Variants in MTHFD1L observed in about 807,000 individuals in gnomAD.
MTHFD1L encodes methylenetetrahydrofolate dehydrogenase (NADP+ dependent) 1 like.
Under a neutral mutation model 119.5 loss-of-function variants are expected in MTHFD1L, and 81 were observed. That is an observed-to-expected ratio of 0.68 (90% CI 0.57 to 0.82). MTHFD1L has a LOEUF of 0.82. MTHFD1L is among the 40% of genes least tolerant of loss of function. The pLI, the probability that MTHFD1L is intolerant of heterozygous loss-of-function variation, is 0.00. For missense variants in MTHFD1L, 1,125 were observed against 1,253.4 expected (o/e 0.90, Z 1.55); for synonymous variants, 430 against 475.2 (o/e 0.90, Z 1.24).
intron 14 of MTHFD1L, 137 bp downstream of exon 14, chr6:150,944,730 G>A (rs1405426926): frequency 1.5e-6 from 1 of 666,244 alleles, no homozygotes; most frequent in Non-Finnish European, 2.6e-6. Context: ...TTTTACATAT[G>A]TCCCTGTTTC....
chr6:151,074,543 G>A (rs1792308936), intron 26 of MTHFD1L, among the ~76,000 whole-genome samples: 1 of 152,162 alleles, frequency 6.6e-6, no homozygotes, highest in South Asian at 2.1e-4. Flanking sequence ...TATGTGGTGT[G>A]GTAGTATAAT....
rs1446647530 is a variant in MTHFD1L, at chr6:150,885,678, A to G, written c.587A>G (p.His196Arg). ...NLGKLVRGDA[H>R]ECFVSPVAKA... Reference sequence around the variant, plus strand: ...GGGAAGCTGGTGCGAGGGGATGCCCATGAATGTTTTGTTTCACCTGTTGCC... The same window carrying G: ...GGGAAGCTGGTGCGAGGGGATGCCCGTGAATGTTTTGTTTCACCTGTTGCC... The change falls in exon 6 of 28, where the codon CAT (histidine) becomes CGT (arginine). Residue 196 changes from histidine to arginine, a missense_variant. Around this residue, in one of 3 missense-constraint regions of MTHFD1L, gnomAD observed 1,058 missense variants for 1,151.2 expected, o/e 0.92. Coordinates refer to ENST00000367321, the MANE Select transcript of MTHFD1L (RefSeq NM_015440.5). The G allele has an allele frequency of 5.0e-6, 8 of 1,614,132 alleles. No individual in the cohort carries two copies. The highest frequency in any genetic ancestry group is 6.8e-6 in the Non-Finnish European group (8 of 1,179,982).
chr6:150,960,095 A>C (rs1418470503), intron 17 of MTHFD1L, among the ~76,000 whole-genome samples, 180 bp from the exon 18 acceptor site: 1 of 152,240 alleles, frequency 6.6e-6, no homozygotes, highest in Non-Finnish European at 1.5e-5. Flanking sequence ...CCTAGGGAGC[A>C]CCAGGCACAA....
At chr6:150,885,199 G>GTT (rs34025381) in intron 5 of MTHFD1L, among the ~76,000 whole-genome samples, 49 of 135,084 alleles carry the variant, frequency 3.6e-4, no homozygotes, top group African/African-American at 7.0e-4. Flanking sequence ...TTTTTTATGG[G>GTT]TTTTTTTTTT....
chr6:150,870,957 ATATATT>A (rs2128722815), intron 1 of MTHFD1L, among the ~76,000 whole-genome samples: 1 of 142,230 alleles, frequency 7.0e-6, no homozygotes, highest in East Asian at 2.0e-4. Flanking sequence ...ACATATATAT[ATATATT>A]ATATATATAA....
At chr6:150,891,409 ATACATACATACATATAATATGTAT>A (rs1308405751) in intron 7 of MTHFD1L, among the ~76,000 whole-genome samples, 1 of 149,584 alleles carries the variant, frequency 6.7e-6, no homozygotes, top group Non-Finnish European at 1.5e-5. Flanking sequence ...ATGTAATCTA[ATACATACATACATATAATATGTAT>A]TACATATAAT....
Position 150,865,826 on chromosome 6 carries a change from G to T in MTHFD1L, c.4G>T (p.Gly2Cys). The change falls in exon 1 of 28, where the codon GGC (glycine) becomes TGC (cysteine). Residue 2 changes from glycine (G) to cysteine (C), a missense_variant. Transcript: ENST00000367321. ...TGAGAACCAGCCGTCCCGCGCCATGGGCACGCGTCTGCCGCTCGTCCTGCG... is the reference window on the plus strand; with the variant it reads ...TGAGAACCAGCCGTCCCGCGCCATGTGCACGCGTCTGCCGCTCGTCCTGCG... M[G>C]TRLPLVLRQL... is the part of the protein sequence containing the mutation. 1 of 1,277,560 alleles carries T rather than the reference G, an allele frequency of 7.8e-7. No individual in the cohort carries two copies. The highest frequency in any genetic ancestry group is 1.6e-5 in the African/African-American group (1 of 62,966). 79.1% of individuals were successfully genotyped at this position (1,277,560 alleles called of 1,614,324 possible).
chr6:151,006,096 G>A (rs1055671811), intron 20 of MTHFD1L, among the ~76,000 whole-genome samples: 10 of 151,488 alleles, frequency 6.6e-5, no homozygotes, highest in African/African-American at 2.4e-4. Flanking sequence ...ATAAGGCGTG[G>A]TCCCGCCCTC....
At chr6:150,982,281 C>T (rs749637848) in intron 20 of MTHFD1L, among the ~76,000 whole-genome samples, 3 of 151,604 alleles carry the variant, frequency 2.0e-5, no homozygotes, top group Non-Finnish European at 4.4e-5. Context: ...CTGGATTTGT[C>T]CTGCTAGCCA....
At chr6:150,932,160 T>TAAAA (rs1791151923) in intron 11 of MTHFD1L, among the ~76,000 whole-genome samples, 2 of 15,868 alleles carry the variant, frequency 1.3e-4, no homozygotes, top group Admixed American at 1.1e-3. Context: ...AGACTCCATC[T>TAAAA]CAAAAAAAAA....
At chr6:151,029,471 T>C (rs1455603471) in intron 24 of MTHFD1L, among the ~76,000 whole-genome samples, 3 of 150,860 alleles carry the variant, frequency 2.0e-5, no homozygotes, top group East Asian at 2.0e-4. Context: ...GATAGATAGA[T>C]AGATTTCTTA....
rs1317870279 is a variant in MTHFD1L at position 150,877,845 on chromosome 6, T to C, written c.417+19T>C. On this transcript the variant is annotated intron_variant, in intron 4 of 27. Transcript: ENST00000367321. ...AGCCGAGGTAATAATGGCAGAGCTC[T>C]AAACTCTTGCTTCTTCTTTCCTCTT... The C allele has an allele frequency of 5.0e-6, 8 of 1,614,134 alleles. No homozygotes were observed. In the Admixed American group the frequency reaches 1.2e-4, roughly 24 times the overall value.
chr6:151,076,354 G>GA (rs1032196833), intron 26 of MTHFD1L, among the ~76,000 whole-genome samples: 18 of 151,390 alleles, frequency 1.2e-4, no homozygotes, highest in African/African-American at 2.9e-4. Flanking sequence ...CTGTCCCAAA[G>GA]AAAAAAAAGA....
chr6:150,916,737 C>CTTTTTTTTTTT (rs57961829), intron 8 of MTHFD1L, among the ~76,000 whole-genome samples: 3 of 72,114 alleles, frequency 4.2e-5, no homozygotes, highest in African/African-American at 8.7e-5. Flanking sequence ...GATTCTATCC[C>CTTTTTTTTTTT]TTTTTTTTTT....
intron 8 of MTHFD1L, among the ~76,000 whole-genome samples, chr6:150,906,704 C>T (rs1030943836): frequency 5.3e-5 from 8 of 152,208 alleles, no homozygotes; most frequent in Non-Finnish European, 1.0e-4. Flanking sequence ...AGCCTCTGCT[C>T]TCCTTCTCCT....
Position 151,039,087 on chromosome 6 carries a change from T to C in MTHFD1L, c.2847+1970T>C, listed in dbSNP as rs1786650744. ...AGACACAGGGATAGCTGGAAATCAG[T>C]GAGAAGACAGTGAAGGAAGACACCC... On this transcript the variant is annotated intron_variant, in intron 26 of 27. Coordinates refer to ENST00000367321, the MANE Select transcript of MTHFD1L (RefSeq NM_015440.5). This position sits in a 1 kb window ranked among gnomAD's most constrained non-coding sequence, Gnocchi z 4.4. Among the ~76,000 whole-genome samples the C allele has an allele frequency of 6.6e-6, 1 of 152,004 alleles. No individual in the cohort carries two copies. The highest frequency in any genetic ancestry group is 1.5e-5 in the Non-Finnish European group (1 of 67,992).
At chr6:151,087,361 G>A (rs375124986) in intron 26 of MTHFD1L, among the ~76,000 whole-genome samples, 2 of 151,994 alleles carry the variant, frequency 1.3e-5, no homozygotes, top group East Asian at 1.9e-4. Context: ...GAAACAACAC[G>A]CTGTATATCA....
At chr6:151,095,913 G>T (rs79960171) in intron 27 of MTHFD1L, among the ~76,000 whole-genome samples, 5,110 of 152,326 alleles carry the variant, frequency 0.034, 175 homozygotes, top group Admixed American at 0.11. Context: ...AACCCAGGGA[G>T]GTGGGTAGTA....
At chr6:150,972,177 C>G in intron 20 of MTHFD1L, 119 bp downstream of exon 20, 9 of 824,030 alleles carry the variant, frequency 1.1e-5, no homozygotes, top group Non-Finnish European at 1.8e-5. Context: ...CACCCTCTTT[C>G]ATAGAGGGTC....
Sources: allele counts gnomAD v4.1 joint callset (sites outside exome capture counted in the v4.1 genomes callset), GRCh38; gene constraint gnomAD v4.1.1; regional missense constraint gnomAD v4.1.1; non-coding constraint Gnocchi (gnomAD v3.1); transcripts MANE v1.5; gene names NCBI Gene and HGNC (gene_info 2026-07-23, HGNC 2026-07-21).